ROBO1: variants seen among roughly 807,000 people sequenced by gnomAD.
ROBO1 encodes roundabout guidance receptor 1.
ROBO1 carries 149 observed loss-of-function variants against 195.9 expected under a neutral mutation model. The ratio of observed to expected loss-of-function variants is 0.76; its 90% confidence interval spans 0.67 to 0.87. The LOEUF (loss-of-function observed/expected upper bound fraction) is 0.87, where lower values mean the gene tolerates loss of function less well. Among genes scored for constraint, ROBO1 ranks in the 40% least tolerant of loss-of-function variants. The pLI is 0.00. For synonymous variants in ROBO1, 816 were observed against 733.2 expected, an observed-to-expected ratio of 1.11 and a Z score of -1.82; for missense variants, 1,933 against 2,068.3, an observed-to-expected ratio of 0.93 and a Z score of 1.27.
At chr3:78,670,357 C>T in intron 10 of ROBO1, 56 bp from the exon 11 acceptor site, 4 of 1,449,924 alleles carry the variant, frequency 2.8e-6, no homozygotes, top group African/African-American at 1.4e-5. Context: ...ATTTTCTAAT[C>T]ATCCAAGCAA....
intron 26 of ROBO1, among the ~76,000 whole-genome samples, chr3:78,622,661 T>C (rs1704525443): frequency 6.6e-6 from 1 of 152,220 alleles, no homozygotes; most frequent in South Asian, 2.1e-4. Context: ...CGAATCTGGA[T>C]GGATTCTGTG....
intron 2 of ROBO1, among the ~76,000 whole-genome samples, chr3:79,537,233 G>T (rs1439926179): frequency 6.6e-6 from 1 of 151,978 alleles, no homozygotes; most frequent in East Asian, 1.9e-4. Context: ...CTAGCTTCTA[G>T]GGGAAGAAGG....
chr3:78,734,623 A>C (rs2082353929), intron 5 of ROBO1, among the ~76,000 whole-genome samples: 1 of 151,960 alleles, frequency 6.6e-6, no homozygotes, highest in South Asian at 2.1e-4. Context: ...AAAAAAAAAA[A>C]AAAACCTCCA....
chr3:79,589,421 G>A (rs1377093846), intron 2 of ROBO1, among the ~76,000 whole-genome samples: 1 of 151,670 alleles, frequency 6.6e-6, no homozygotes, highest in African/African-American at 2.4e-5. Context: ...GCTAAGAAAT[G>A]TCAGTTTTCA....
At position 78,597,467 on chromosome 3, in the gene ROBO1, TG is replaced by T. The variant is rs1702892378; in HGVS notation, c.*1445del. On this transcript the variant is annotated 3_prime_UTR_variant, in exon 31 of 31. Transcript: ENST00000464233. ...TGGTGAACACCAGCCTTTTTTTTTGTGGTTCAGTTTTGTTTGGCTTTGTTTT... is the reference window on the plus strand; with the variant it reads ...TGGTGAACACCAGCCTTTTTTTTTGTGTTCAGTTTTGTTTGGCTTTGTTTT... The T allele has an allele frequency of 6.6e-6, 1 of 152,588 alleles. No homozygotes were observed. The highest frequency in any genetic ancestry group is 2.4e-5 in the African/African-American group (1 of 41,434). 9.5% of individuals were successfully genotyped at this position (152,588 alleles called of 1,614,324 possible). A position where few individuals can be genotyped will look rare whatever the true frequency, so the allele number is the denominator to read the frequency against.
chr3:78,855,183 G>A (rs1373555634), intron 4 of ROBO1, among the ~76,000 whole-genome samples: 1 of 151,942 alleles, frequency 6.6e-6, no homozygotes, highest in Non-Finnish European at 1.5e-5. Context: ...ATGGTACCTT[G>A]ATCACTTACG....
chr3:79,568,944 T>A (rs1331507285), intron 2 of ROBO1, among the ~76,000 whole-genome samples: 1 of 152,220 alleles, frequency 6.6e-6, no homozygotes, highest in East Asian at 1.9e-4. Context: ...ATGTAACATA[T>A]TTAACTCAAT....
chr3:79,673,504 GGTTTA>G (rs1340405267), intron 1 of ROBO1, among the ~76,000 whole-genome samples: 3 of 151,914 alleles, frequency 2.0e-5, no homozygotes, highest in Non-Finnish European at 2.9e-5. Flanking sequence ...ATGTTCAATG[GGTTTA>G]GTTTAAAGTA....
At chr3:78,930,600 GTCATAGGC>G (rs2039464292) in intron 4 of ROBO1, among the ~76,000 whole-genome samples, 1 of 152,192 alleles carries the variant, frequency 6.6e-6, no homozygotes, top group South Asian at 2.1e-4. Context: ...TCCATTTGCA[GTCATAGGC>G]TTGACCTTGA....
chr3:78,878,916 A>G (rs992474204), intron 4 of ROBO1, among the ~76,000 whole-genome samples: 1 of 152,192 alleles, frequency 6.6e-6, no homozygotes, highest in Non-Finnish European at 1.5e-5. Context: ...AAAATAGTGC[A>G]ATTACAAAAA....
At chr3:79,072,615 G>A (rs2079107702) in intron 3 of ROBO1, among the ~76,000 whole-genome samples, 1 of 151,862 alleles carries the variant, frequency 6.6e-6, no homozygotes, top group Non-Finnish European at 1.5e-5. Flanking sequence ...TAAAGTCTGA[G>A]GATGTGGATT....
intron 3 of ROBO1, among the ~76,000 whole-genome samples, chr3:79,015,875 T>TA (rs1169344993): frequency 6.6e-6 from 1 of 152,122 alleles, no homozygotes; most frequent in Non-Finnish European, 1.5e-5. Context: ...CTGTTGGACT[T>TA]TGTTAAGTTG....
At chr3:79,000,888 T>C (rs904147334) in intron 3 of ROBO1, among the ~76,000 whole-genome samples, 6 of 152,150 alleles carry the variant, frequency 3.9e-5, no homozygotes, top group African/African-American at 1.2e-4. Flanking sequence ...CCATCAATGA[T>C]AGACTGGATA....
chr3:78,847,545 A>T (rs1002339569), intron 4 of ROBO1, among the ~76,000 whole-genome samples: 2 of 152,206 alleles, frequency 1.3e-5, no homozygotes, highest in Non-Finnish European at 2.9e-5. Flanking sequence ...CTTCTCCAAA[A>T]TAATTATAAA....
chr3:78,607,064 C>A, intron 28 of ROBO1, 23 bp from the exon 29 acceptor site: 1 of 1,593,202 alleles, frequency 6.3e-7, no homozygotes. Flanking sequence ...ATTAAAAATA[C>A]TACTGTAAAA....
intron 1 of ROBO1, among the ~76,000 whole-genome samples, chr3:79,760,031 G>GT (rs1704601107): frequency 6.6e-6 from 1 of 151,920 alleles, no homozygotes; most frequent in Non-Finnish European, 1.5e-5. Context: ...GAGGTCAGGA[G>GT]TTTGAGTCCA....
At chr3:79,054,766 T>G (rs2078771285) in intron 3 of ROBO1, among the ~76,000 whole-genome samples, 1 of 152,122 alleles carries the variant, frequency 6.6e-6, no homozygotes, top group Non-Finnish European at 1.5e-5. Flanking sequence ...ACACTCTAAG[T>G]ATGATATAGA....
chr3:79,590,187 A>C (rs1269165019), intron 1 of ROBO1, among the ~76,000 whole-genome samples: 1 of 151,828 alleles, frequency 6.6e-6, no homozygotes, highest in African/African-American at 2.4e-5. Context: ...TTCAAGTTAG[A>C]TATTAATCAT....
intron 2 of ROBO1, among the ~76,000 whole-genome samples, chr3:79,463,968 A>G (rs1220680868): frequency 1.3e-5 from 2 of 152,162 alleles, no homozygotes; most frequent in Admixed American, 6.6e-5. Flanking sequence ...GCAGCCAGTC[A>G]TCTCCTTTCC....
Sources: allele counts gnomAD v4.1 joint callset (sites outside exome capture counted in the v4.1 genomes callset), GRCh38; gene constraint gnomAD v4.1.1; transcripts MANE v1.5; gene names NCBI Gene and HGNC (gene_info 2026-07-23, HGNC 2026-07-21).